The following WASHC4 variants were observed in gnomAD, a reference collection of about 807,000 sequenced individuals.
WASHC4 encodes the protein WASH complex subunit 4.
Under a neutral mutation model 166.6 loss-of-function variants are expected in WASHC4, and 86 were observed. The observed-to-expected ratio is 0.52, with a 90% CI of 0.43 to 0.62. WASHC4 has a LOEUF of 0.62. Ranked by LOEUF, WASHC4 falls within the 20% of genes least tolerant of loss-of-function variation. WASHC4 has a pLI of 0.00. For missense variants in WASHC4, 1,262 were observed against 1,382.4 expected (o/e 0.91, Z 1.38); for synonymous variants, 446 against 451.6 (o/e 0.99, Z 0.16).
chr12:105,118,605 A>G (rs1880414058), intron 7 of WASHC4, 77 bp downstream of exon 7: 1 of 874,286 alleles, frequency 1.1e-6, no homozygotes, highest in Non-Finnish European at 1.9e-6. Context: ...ATAACTTGTA[A>G]TAGTTTTTCT....
chr12:105,133,557 C>T (rs1882048823), intron 13 of WASHC4, among the ~76,000 whole-genome samples: 1 of 152,076 alleles, frequency 6.6e-6, no homozygotes. Flanking sequence ...TTATTTACTG[C>T]TGATTTCACT....
intron 22 of WASHC4, among the ~76,000 whole-genome samples, chr12:105,145,159 G>A (rs1201630572): frequency 1.3e-5 from 2 of 151,460 alleles, no homozygotes; most frequent in Non-Finnish European, 2.9e-5. Context: ...CACTAGAATA[G>A]TGAAGTGACT....
intron 27 of WASHC4, 132 bp from the exon 28 acceptor site, chr12:105,157,104 A>G: frequency 1.5e-6 from 1 of 645,350 alleles, no homozygotes. Context: ...TATGAATAAT[A>G]TTACTGAAAT....
At chr12:105,149,171 G>A (rs775967870) in intron 24 of WASHC4, 67 of 985,120 alleles carry the variant, frequency 6.8e-5, no homozygotes, top group Non-Finnish European at 8.0e-5. Context: ...AATTGAATAT[G>A]TGGTATCTTC....
chr12:105,147,374 C>T (rs947655271), intron 24 of WASHC4: 14 of 535,330 alleles, frequency 2.6e-5, no homozygotes, highest in Non-Finnish European at 4.3e-5. Flanking sequence ...ATCTCAGAGC[C>T]ATCATTATAA....
chr12:105,148,659 T>C, intron 24 of WASHC4: 2 of 985,360 alleles, frequency 2.0e-6, no homozygotes, highest in Non-Finnish European at 2.4e-6. Context: ...ATGTTTAAGC[T>C]ACAAGATAAG....
intron 1 of WASHC4, among the ~76,000 whole-genome samples, chr12:105,109,669 T>TTTTTTTTTTC (rs1416228518): frequency 6.7e-6 from 1 of 149,758 alleles, no homozygotes; most frequent in Non-Finnish European, 1.5e-5. Flanking sequence ...TTTTTTTTTT[T>TTTTTTTTTTC]TCGAGACAAG....
At position 105,109,840 on chromosome 12, in the gene WASHC4, T is replaced by G. The variant is rs1332506784; in HGVS notation, c.62-1285T>G. On this transcript the variant is annotated intron_variant, in intron 1 of 32. Transcript: ENST00000332180. ...AGGTTTTGCCATGTTGAACTCCTGG[T>G]CTCAAGCGACCCACCGGCCTTGGCC... Among the ~76,000 whole-genome samples the G allele has an allele frequency of 5.3e-5, 8 of 152,082 alleles. No homozygotes were observed. The East Asian group carries it at 1.5e-3, about 29-fold the overall frequency.
chr12:105,139,244 G>A (rs1027344172), intron 15 of WASHC4, among the ~76,000 whole-genome samples: 18 of 150,882 alleles, frequency 1.2e-4, no homozygotes, highest in Non-Finnish European at 2.1e-4. Context: ...GGTTGTTTCC[G>A]GTTTTTGTAT....
At position 105,166,909 on chromosome 12, in the gene WASHC4, C is replaced by T; in HGVS notation, c.3500C>T (p.Ser1167Phe). ...GGAGACCTGTCTGACAGCACTGTGT[C>T]TGCTGATCCTGTTGTGAAATGATAC... ...SNGDLSDSTV[S>F]ADPVVK The change falls in exon 33 of 33, where the codon TCT becomes TTT. Residue 1167 changes from serine (S) to phenylalanine (F), a missense_variant. Transcript: ENST00000332180. The T allele has an allele frequency of 1.2e-6, 2 of 1,605,624 alleles. No individual in the cohort carries two copies. The highest frequency in any genetic ancestry group is 1.7e-6 in the Non-Finnish European group (2 of 1,175,714).
Position 105,145,022 on chromosome 12 carries a change from A to G in WASHC4, c.2334+150A>G, listed in dbSNP as rs549611268. On this transcript the variant is annotated intron_variant, in intron 22 of 32. Transcript: ENST00000332180. ...ATAAAATCTTATACTTGACAACAGT[A>G]AAAAATTAGGTGCTGCTAAATTGCT... is the stretch of plus-strand genomic sequence containing the variant. 2.4e-5 allele frequency: 19 copies of G among 776,854 alleles called. No individual in the cohort carries two copies. In the East Asian group the frequency reaches 4.5e-4, roughly 18 times the overall value. The allele number at this position is 776,854 out of a possible 1,614,324, so 48.1% of individuals were successfully genotyped here.
intron 23 of WASHC4, among the ~76,000 whole-genome samples, chr12:105,146,786 A>G (rs1053286227): frequency 6.6e-6 from 1 of 152,070 alleles, no homozygotes; most frequent in African/African-American, 2.4e-5. Flanking sequence ...AGGATCCCTA[A>G]TCTGAAAATC....
At chr12:105,128,714 A>C (rs1169423293) in intron 13 of WASHC4, among the ~76,000 whole-genome samples, 1 of 152,012 alleles carries the variant, frequency 6.6e-6, no homozygotes, top group African/African-American at 2.4e-5. Flanking sequence ...ATTTTGGATG[A>C]GGGGTACTCA....
intron 13 of WASHC4, among the ~76,000 whole-genome samples, chr12:105,131,078 ATTTATTTTTTTT>A (rs1286867951): frequency 5.4e-5 from 8 of 149,064 alleles, no homozygotes; most frequent in African/African-American, 1.7e-4. Flanking sequence ...TTATTTATTT[ATTTATTTTTTTT>A]TTTTTTTGAG....
intron 26 of WASHC4, 150 bp from the exon 27 acceptor site, chr12:105,156,575 CT>C (rs1884175630): frequency 1.9e-6 from 1 of 537,660 alleles, no homozygotes; most frequent in African/African-American, 1.9e-5. Context: ...AACAGTTTTA[CT>C]TTTTATGATA....
At chr12:105,134,356 A>AT (rs1224401735) in intron 14 of WASHC4, among the ~76,000 whole-genome samples, 1 of 152,076 alleles carries the variant, frequency 6.6e-6, no homozygotes, top group Non-Finnish European at 1.5e-5. Flanking sequence ...TATAATTTGT[A>AT]TTTGTCAGTT....
At chr12:105,151,584 C>A (rs943448578) in intron 25 of WASHC4, among the ~76,000 whole-genome samples, 1 of 151,830 alleles carries the variant, frequency 6.6e-6, no homozygotes, top group Non-Finnish European at 1.5e-5. Flanking sequence ...TGGGTTCAAG[C>A]GATTCTCCTG....
At chr12:105,108,093 T>C (rs1018524876) in intron 1 of WASHC4, among the ~76,000 whole-genome samples, 1 of 152,086 alleles carries the variant, frequency 6.6e-6, no homozygotes, top group African/African-American at 2.4e-5. Flanking sequence ...AGGCGGAGAC[T>C]CTCCTGGGGA....
chr12:105,156,507 A>G (rs1281510389), intron 26 of WASHC4: 2 of 250,860 alleles, frequency 8.0e-6, no homozygotes, highest in Non-Finnish European at 1.5e-5. Context: ...TTACTTTTAA[A>G]TATTTAATAT....
Sources: gnomAD v4.1 joint callset for allele counts (sites outside exome capture counted in the v4.1 genomes callset) on GRCh38, gnomAD v4.1.1 for gene constraint, MANE v1.5 for transcripts, NCBI Gene and HGNC (gene_info 2026-07-23, HGNC 2026-07-21) for gene names.